The following CYFIP2 variants were observed in gnomAD, a reference collection of about 807,000 sequenced individuals.
CYFIP2 encodes cytoplasmic FMR1-interacting protein 2.
In CYFIP2, 29 loss-of-function variants were observed where a neutral mutation model predicts 158.7. That is an observed-to-expected ratio of 0.18 (90% CI 0.14 to 0.25). The LOEUF (loss-of-function observed/expected upper bound fraction) is 0.25, where lower values mean the gene tolerates loss of function less well. Ranked by LOEUF, CYFIP2 falls within the 10% of genes least tolerant of loss-of-function variation. The pLI, the probability that CYFIP2 is intolerant of heterozygous loss-of-function variation, is 1.00. For missense variants in CYFIP2, 852 were observed against 1,639.5 expected (o/e 0.52, Z 8.29); for synonymous variants, 585 against 617.6 (o/e 0.95, Z 0.78).
chr5:157,333,052 G>A (rs528693632), intron 20 of CYFIP2, among the ~76,000 whole-genome samples: 1 of 152,308 alleles, frequency 6.6e-6, no homozygotes, highest in East Asian at 1.9e-4. Context: ...CACAAGGCCA[G>A]AGTCCCTCAG....
At chr5:157,322,860 C>G in intron 15 of CYFIP2, 4 of 1,339,412 alleles carry the variant, frequency 3.0e-6, no homozygotes, top group Non-Finnish European at 3.1e-6. Context: ...TTTTCTCTCT[C>G]TCTCTCTCTT....
Position 157,361,445 on chromosome 5 carries a change from G to GACC in CYFIP2, c.2909-19_2909-17dup. ...TACTGAGCAGTGTCAACTTCCCACTGACCACCCCGATTCACCTCCCAGGGA... is the reference window on the plus strand; with the variant it reads ...TACTGAGCAGTGTCAACTTCCCACTGACCACCACCCCGATTCACCTCCCAGGGA... On this transcript the variant is annotated intron_variant, in intron 25 of 30. Transcript: ENST00000620254. This position sits in a 1 kb window ranked among gnomAD's most constrained non-coding sequence, Gnocchi z 4.4. The GACC allele has an allele frequency of 6.2e-7, 1 of 1,613,354 alleles. No homozygotes were observed. Among genetic ancestry groups the GACC allele is most frequent in the Non-Finnish European group, 8.5e-7 (1 of 1,179,772 alleles).
chr5:157,388,765 A>G (rs1163679812), intron 28 of CYFIP2, among the ~76,000 whole-genome samples: 1 of 152,200 alleles, frequency 6.6e-6, no homozygotes, highest in Admixed American at 6.5e-5. Context: ...GAGTAATGGC[A>G]TCTACCTCAT....
intron 26 of CYFIP2, among the ~76,000 whole-genome samples, chr5:157,369,134 G>A (rs1000116386): frequency 2.6e-5 from 4 of 152,062 alleles, no homozygotes; most frequent in African/African-American, 7.2e-5. Flanking sequence ...CTGACCTCAA[G>A]TGATCCACCT....
At position 157,361,429 on chromosome 5, in the gene CYFIP2, G is replaced by A; in HGVS notation, c.2909-39G>A. On this transcript the variant is annotated intron_variant, in intron 25 of 30. Transcript: ENST00000620254. The surrounding 1 kb of genome is among the most constrained non-coding windows in gnomAD (Gnocchi z 4.4). ...TGTTTCCCATAGACCCTACTGAGCA[G>A]TGTCAACTTCCCACTGACCACCCCG... The A allele has an allele frequency of 6.2e-7, 1 of 1,612,720 alleles. No homozygotes were observed. The highest frequency in any genetic ancestry group is 8.5e-7 in the Non-Finnish European group (1 of 1,179,546).
intron 24 of CYFIP2, among the ~76,000 whole-genome samples, chr5:157,359,547 A>T (rs1278431198): frequency 6.6e-6 from 1 of 152,206 alleles, no homozygotes; most frequent in Non-Finnish European, 1.5e-5. Context: ...CATGGCAGAC[A>T]TCTCTAATCA....
rs544572629 is a variant in CYFIP2, at chr5:157,353,204, A to G, written c.2674-5801A>G. ...GACGGAATTCGTATGTGAAAAATTCACAGAGAAGCTTGATATACTTGTGTG... is the reference window on the plus strand; with the variant it reads ...GACGGAATTCGTATGTGAAAAATTCGCAGAGAAGCTTGATATACTTGTGTG... On this transcript the variant is annotated intron_variant, in intron 23 of 30. Coordinates refer to ENST00000620254, the MANE Select transcript of CYFIP2 (RefSeq NM_001037333.3). Among the ~76,000 whole-genome samples the G allele has an allele frequency of 3.3e-5, 5 of 152,344 alleles. No homozygotes were observed. In the South Asian group the frequency reaches 1.0e-3, roughly 32 times the overall value.
At chr5:157,281,809 G>A (rs969168169) in intron 1 of CYFIP2, among the ~76,000 whole-genome samples, 1 of 152,156 alleles carries the variant, frequency 6.6e-6, no homozygotes, top group Non-Finnish European at 1.5e-5. Context: ...TCTCTTAACT[G>A]TTTTCCCTTC....
In CYFIP2 at chr5:157,311,107, GT is replaced by G; in HGVS notation, c.993-556del. On this transcript the variant is annotated intron_variant, in intron 10 of 30. Transcript: ENST00000620254. The surrounding 1 kb of genome is among the most constrained non-coding windows in gnomAD (Gnocchi z 4.7). ...GAGAAGGGGGCGAGAGGTAGAGGGGGTGGGTGGAGGGAGGGGCCACCCCCAC... is the reference window on the plus strand; with the variant it reads ...GAGAAGGGGGCGAGAGGTAGAGGGGGGGGTGGAGGGAGGGGCCACCCCCAC... 3 of 435,656 alleles carry G rather than the reference GT, an allele frequency of 6.9e-6. No individual in the cohort carries two copies. The highest frequency in any genetic ancestry group is 4.6e-4 in the Middle Eastern group (1 of 2,164). The allele number at this position is 435,656 out of a possible 1,614,324, so 27.0% of individuals were successfully genotyped here. A position where few individuals can be genotyped will look rare whatever the true frequency, so the allele number is the denominator to read the frequency against.
At chr5:157,331,611 G>A (rs1390508810) in intron 20 of CYFIP2, among the ~76,000 whole-genome samples, 2 of 152,026 alleles carry the variant, frequency 1.3e-5, no homozygotes, top group Non-Finnish European at 2.9e-5. Flanking sequence ...AAGGGAGATG[G>A]AGAATCATTA....
intron 14 of CYFIP2, 35 bp downstream of exon 14, chr5:157,319,963 C>T (rs1474093603): frequency 6.2e-7 from 1 of 1,606,488 alleles, no homozygotes; most frequent in Non-Finnish European, 8.5e-7. Context: ...GCATATCAGA[C>T]ATAAGCATGC....
intron 28 of CYFIP2, among the ~76,000 whole-genome samples, chr5:157,388,503 C>T (rs981923456): frequency 2.0e-5 from 3 of 152,218 alleles, no homozygotes; most frequent in Non-Finnish European, 4.4e-5. Flanking sequence ...CTACTCCAAG[C>T]CCATCTGTTC....
intron 3 of CYFIP2, among the ~76,000 whole-genome samples, chr5:157,287,322 C>A (rs1757473779): frequency 6.6e-6 from 1 of 152,234 alleles, no homozygotes; most frequent in African/African-American, 2.4e-5. Flanking sequence ...CTTTGGGAAT[C>A]CTACTCAACT....
At chr5:157,310,938 G>T in intron 10 of CYFIP2, 3 of 454,388 alleles carry the variant, frequency 6.6e-6, no homozygotes, top group Non-Finnish European at 1.3e-5. Context: ...GAAGGGAGTG[G>T]TCCTTTTTCT....
intron 3 of CYFIP2, among the ~76,000 whole-genome samples, chr5:157,290,534 C>A (rs1198045750): frequency 6.9e-6 from 1 of 145,684 alleles, no homozygotes; most frequent in African/African-American, 2.5e-5. Context: ...CATTGCAAGG[C>A]TCTTAATTGG....
chr5:157,297,189 G>C, intron 5 of CYFIP2, among the ~76,000 whole-genome samples: 1 of 152,220 alleles, frequency 6.6e-6, no homozygotes, highest in Non-Finnish European at 1.5e-5. Flanking sequence ...AAAGGTTTCA[G>C]GCAGAAGTTG....
intron 3 of CYFIP2, among the ~76,000 whole-genome samples, chr5:157,293,748 TAAAG>T (rs920814335): frequency 1.1e-4 from 17 of 152,118 alleles, no homozygotes; most frequent in African/African-American, 3.9e-4. Flanking sequence ...GGTATTGCAG[TAAAG>T]AAAGAGTTTA....
At chr5:157,378,830 T>C (rs1765758670) in intron 26 of CYFIP2, among the ~76,000 whole-genome samples, 1 of 152,194 alleles carries the variant, frequency 6.6e-6, no homozygotes, top group African/African-American at 2.4e-5. Context: ...AGAAAAGTGG[T>C]TGTATTTTAC....
At chr5:157,276,506 A>G (rs1756555645) in intron 1 of CYFIP2, among the ~76,000 whole-genome samples, 1 of 152,104 alleles carries the variant, frequency 6.6e-6, no homozygotes, top group African/African-American at 2.4e-5. Context: ...AATCTTTTTT[A>G]TATGTTTCTG....
Sources: allele counts gnomAD v4.1 joint callset (sites outside exome capture counted in the v4.1 genomes callset), GRCh38; gene constraint gnomAD v4.1.1; non-coding constraint Gnocchi (gnomAD v3.1); transcripts MANE v1.5; gene names NCBI Gene and HGNC (gene_info 2026-07-23, HGNC 2026-07-21).